Variants in ARGLU1 observed in about 807,000 individuals in gnomAD.
ARGLU1 encodes the protein arginine and glutamate rich 1.
Under a neutral mutation model 37.6 loss-of-function variants are expected in ARGLU1, and 9 were observed. That is an observed-to-expected ratio of 0.24 (90% CI 0.14 to 0.42). The LOEUF (loss-of-function observed/expected upper bound fraction) is 0.42. Among genes scored for constraint, ARGLU1 ranks in the 10% least tolerant of loss-of-function variants. The pLI is 1.00. For synonymous variants in ARGLU1, 166 were observed against 138.5 expected, an observed-to-expected ratio of 1.20 and a Z score of -1.39; for missense variants, 211 against 359.2, an observed-to-expected ratio of 0.59 and a Z score of 3.34.
At chr13:106,550,357 T>C (rs1250937842) in intron 3 of ARGLU1, among the ~76,000 whole-genome samples, 1 of 152,214 alleles carries the variant, frequency 6.6e-6, no homozygotes, top group African/African-American at 2.4e-5. Flanking sequence ...TGTCCAGAAA[T>C]TTATTTTTTA....
intron 3 of ARGLU1, among the ~76,000 whole-genome samples, chr13:106,547,729 C>T (rs1462362917): frequency 1.3e-5 from 2 of 151,984 alleles, no homozygotes; most frequent in Admixed American, 6.6e-5. Flanking sequence ...TTTAAAAACC[C>T]GTAACTGAGT....
intron 1 of ARGLU1, among the ~76,000 whole-genome samples, chr13:106,560,536 T>C (rs552225871): frequency 4.1e-4 from 63 of 152,328 alleles, no homozygotes; most frequent in African/African-American, 1.3e-3. Context: ...AAAAAGAATA[T>C]AAATGATCTC....
Position 106,567,217 on chromosome 13 carries a change from C to T in ARGLU1, c.347+356G>A, listed in dbSNP as rs550688686. 8.5e-5 allele frequency among the ~76,000 whole-genome samples: 13 copies of T among 152,214 alleles called. 1 individual carries two copies. In the South Asian group the frequency reaches 2.5e-3, roughly 29 times the overall value. On this transcript the variant is annotated intron_variant, in intron 1 of 3. Transcript: ENST00000400198. This position sits in a 1 kb window ranked among gnomAD's most constrained non-coding sequence, Gnocchi z 4.3. ...CTCACCACCCTCCACATCTGCAGGC[C>T]GGCTCGCTCCCGGCCTCACAAGCCA...
chr13:106,566,384 A>T (rs953820849), intron 1 of ARGLU1, among the ~76,000 whole-genome samples: 1 of 152,242 alleles, frequency 6.6e-6, no homozygotes, highest in East Asian at 1.9e-4. Flanking sequence ...CAAACCACGC[A>T]GTCAATTCAG....
At chr13:106,561,564 C>A (rs570570419) in intron 1 of ARGLU1, among the ~76,000 whole-genome samples, 4 of 151,692 alleles carry the variant, frequency 2.6e-5, no homozygotes, top group African/African-American at 9.7e-5. Flanking sequence ...TTTTAATTAA[C>A]AATACTAGGT....
intron 1 of ARGLU1, among the ~76,000 whole-genome samples, chr13:106,564,111 A>T (rs1031046213): frequency 1.3e-5 from 2 of 152,206 alleles, no homozygotes; most frequent in Non-Finnish European, 2.9e-5. Context: ...GATCTTTTGA[A>T]CTGAATTTTG....
Position 106,542,565 on chromosome 13 carries a change from C to T in ARGLU1, c.*1431G>A, listed in dbSNP as rs1233840217. 6.6e-6 allele frequency: 1 copy of T among 152,036 alleles called. No homozygotes were observed. The highest frequency in any genetic ancestry group is 1.9e-4 in the East Asian group (1 of 5,194). 9.4% of individuals were successfully genotyped at this position (152,036 alleles called of 1,614,324 possible). A position where few individuals can be genotyped will look rare whatever the true frequency, so the allele number is the denominator to read the frequency against. On this transcript the variant is annotated 3_prime_UTR_variant, in exon 4 of 4. Transcript: ENST00000400198. ...GCAACAGCATTTTTCCTAGCATGCACACACAAAATAATCTACCATTTAGTC... is the reference window on the plus strand; with the variant it reads ...GCAACAGCATTTTTCCTAGCATGCATACACAAAATAATCTACCATTTAGTC...
At chr13:106,552,556 A>AT (rs2138968032) in intron 3 of ARGLU1, among the ~76,000 whole-genome samples, 1 of 152,302 alleles carries the variant, frequency 6.6e-6, no homozygotes, top group South Asian at 2.1e-4. Context: ...ATTTTATTCT[A>AT]TAGCAAAATC....
In ARGLU1 at chr13:106,567,521, C is replaced by A. The variant is rs1881006917; in HGVS notation, c.347+52G>T. 7 of 1,348,930 alleles carry A rather than the reference C, an allele frequency of 5.2e-6. No homozygotes were observed. Among genetic ancestry groups the A allele is most frequent in the Non-Finnish European group, 7.4e-6 (7 of 944,642 alleles). 83.6% of individuals were successfully genotyped at this position (1,348,930 alleles called of 1,614,324 possible). On this transcript the variant is annotated intron_variant, in intron 1 of 3. Transcript: ENST00000400198. This position sits in a 1 kb window ranked among gnomAD's most constrained non-coding sequence, Gnocchi z 4.3. The stretch of plus-strand genomic sequence containing the variant: ...GTCCCGCCCCGGCCCCACGCCCTCG[C>A]CCCGCGCCCTGCTCTCCGCACGCCC...
intron 3 of ARGLU1, among the ~76,000 whole-genome samples, chr13:106,553,056 A>C (rs1234161645): frequency 6.6e-6 from 1 of 152,242 alleles, no homozygotes; most frequent in African/African-American, 2.4e-5. Flanking sequence ...AAGGCTACTT[A>C]AAAGTCAAAA....
rs2138977286 is a variant in ARGLU1 at position 106,564,553 on chromosome 13, A to G, written c.347+3020T>C. ...CTTGTAAGGGCACTTGACACTATGC[A>G]TTTTTACCATATTTCTTTCTGCTTC... On this transcript the variant is annotated intron_variant, in intron 1 of 3. Coordinates refer to ENST00000400198, the MANE Select transcript of ARGLU1 (RefSeq NM_018011.4). Among the ~76,000 whole-genome samples, 3 of 152,236 alleles carry G rather than the reference A, an allele frequency of 2.0e-5. No homozygotes were observed. In the Middle Eastern group the frequency reaches 0.01, roughly 518 times the overall value.
chr13:106,550,877 G>T (rs541537048), intron 3 of ARGLU1, among the ~76,000 whole-genome samples: 1 of 152,280 alleles, frequency 6.6e-6, no homozygotes, highest in South Asian at 2.1e-4. Flanking sequence ...ATTCTGTCAG[G>T]AGTCTGAACA....
At position 106,567,848 on chromosome 13, in the gene ARGLU1, G is replaced by A; in HGVS notation, c.72C>T (p.Arg24=). The change falls in exon 1 of 4, where the codon CGC becomes CGT. Residue 24 remains arginine, a synonymous_variant. Coordinates refer to ENST00000400198, the MANE Select transcript of ARGLU1 (RefSeq NM_018011.4). The surrounding 1 kb of genome is among the most constrained non-coding windows in gnomAD (Gnocchi z 4.3). ...CCCGGGATCGCGACCGGGACCGGCT[G>A]CGCTTCTTGTTGTGCTTGCTGCTCT... ...HTKSSKHNKK[R]SRSRSRSRDK... The A allele has an allele frequency of 2.5e-6, 4 of 1,613,480 alleles. No homozygotes were observed. The highest frequency in any genetic ancestry group is 2.5e-6 in the Non-Finnish European group (3 of 1,179,882).
Position 106,557,302 on chromosome 13 carries a change from A to T in ARGLU1, c.574-171T>A. Reference sequence around the variant, plus strand: ...GCAGTCACTAAAATTGGTTTCTAGCACTAAATTTAAATCATCCCTCCCAGT... The same window carrying T: ...GCAGTCACTAAAATTGGTTTCTAGCTCTAAATTTAAATCATCCCTCCCAGT... On this transcript the variant is annotated intron_variant, in intron 2 of 3. Coordinates refer to ENST00000400198, the MANE Select transcript of ARGLU1 (RefSeq NM_018011.4). This position sits in a 1 kb window ranked among gnomAD's most constrained non-coding sequence, Gnocchi z 5.0. The T allele has an allele frequency of 1.4e-6, 1 of 697,198 alleles. No individual in the cohort carries two copies. The highest frequency in any genetic ancestry group is 2.3e-6 in the Non-Finnish European group (1 of 436,678). The allele number at this position is 697,198 out of a possible 1,614,324, so 43.2% of individuals were successfully genotyped here.
chr13:106,555,067 G>C (rs1480839798), intron 3 of ARGLU1, among the ~76,000 whole-genome samples: 1 of 151,646 alleles, frequency 6.6e-6, no homozygotes, highest in Non-Finnish European at 1.5e-5. Context: ...TCAGAATAGT[G>C]TCACTCTGGG....
intron 3 of ARGLU1, among the ~76,000 whole-genome samples, chr13:106,548,221 T>C (rs1354933499): frequency 1.3e-5 from 2 of 152,250 alleles, no homozygotes; most frequent in Non-Finnish European, 2.9e-5. Context: ...TCATCTCTCA[T>C]TTTAATATAG....
At position 106,559,979 on chromosome 13, in the gene ARGLU1, AATC is replaced by A. The variant is rs553180169; in HGVS notation, c.348-325_348-323del. On this transcript the variant is annotated intron_variant, in intron 1 of 3. Coordinates refer to ENST00000400198, the MANE Select transcript of ARGLU1 (RefSeq NM_018011.4). The stretch of plus-strand genomic sequence containing the variant: ...AAACCTATTCTGTTATTGACTTTAT[AATC>A]AGAGGACAAGTTGTTAAAACATATG... Among the ~76,000 whole-genome samples, 25 of 152,368 alleles carry A rather than the reference AATC, an allele frequency of 1.6e-4. No individual in the cohort carries two copies. In the South Asian group the frequency reaches 5.0e-3, roughly 30 times the overall value.
chr13:106,548,442 G>A (rs1252047336), intron 3 of ARGLU1, among the ~76,000 whole-genome samples: 1 of 152,122 alleles, frequency 6.6e-6, no homozygotes, highest in Non-Finnish European at 1.5e-5. Flanking sequence ...GTATTTGCAT[G>A]GGGGGTTGGG....
chr13:106,555,081 G>T (rs1880629756), intron 3 of ARGLU1, among the ~76,000 whole-genome samples: 1 of 151,788 alleles, frequency 6.6e-6, no homozygotes, highest in East Asian at 2.0e-4. Context: ...CTCTGGGCCA[G>T]GAGCGGTGGC....
Sources: allele counts gnomAD v4.1 joint callset (sites outside exome capture counted in the v4.1 genomes callset), GRCh38; gene constraint gnomAD v4.1.1; non-coding constraint Gnocchi (gnomAD v3.1); transcripts MANE v1.5; gene names NCBI Gene and HGNC (gene_info 2026-07-23, HGNC 2026-07-21).